Variants in AVEN observed in about 807,000 individuals in gnomAD.
AVEN encodes apoptosis and caspase activation inhibitor.
AVEN carries 41 observed loss-of-function variants against 38.1 expected under a neutral mutation model. The ratio of observed to expected loss-of-function variants is 1.08; its 90% CI spans 0.84 to 1.40. The LOEUF is 1.40. Ranked by LOEUF, AVEN falls within the 40% of genes most tolerant of loss-of-function variation. AVEN has a pLI of 0.00. For missense variants in AVEN, 605 were observed against 438.8 expected, an observed-to-expected ratio of 1.38 and a Z score of -3.38; for synonymous variants, 206 against 171.8, an observed-to-expected ratio of 1.20 and a Z score of -1.56.
upstream of AVEN, among the ~76,000 whole-genome samples, chr15:34,039,810 A>G (rs1274193014): frequency 3.9e-5 from 6 of 152,232 alleles, no homozygotes; most frequent in African/African-American, 7.2e-5. Flanking sequence ...CTTATTCTGC[A>G]GTGAGGTAAC....
chr15:33,881,791 C>T (rs1891495555), intron 2 of AVEN, among the ~76,000 whole-genome samples: 1 of 152,200 alleles, frequency 6.6e-6, no homozygotes, highest in Admixed American at 6.5e-5. Flanking sequence ...GTATTCACAG[C>T]ACATTCCATT....
chr15:33,903,593 C>T (rs972985899), intron 2 of AVEN, among the ~76,000 whole-genome samples: 2 of 152,190 alleles, frequency 1.3e-5, no homozygotes, highest in East Asian at 3.8e-4. Context: ...CTACAAGTTT[C>T]CTCAAAGCAC....
chr15:34,040,288 C>G (rs376608609), upstream of AVEN, among the ~76,000 whole-genome samples: 4 of 152,094 alleles, frequency 2.6e-5, no homozygotes, highest in Non-Finnish European at 5.9e-5. Context: ...GATTCAAGAT[C>G]AAGGTCCAAA....
intron 1 of AVEN, among the ~76,000 whole-genome samples, chr15:34,009,475 T>A (rs4041437): frequency 3.9e-5 from 6 of 152,296 alleles, no homozygotes; most frequent in African/African-American, 9.6e-5. Context: ...TAGATTTTTT[T>A]AAAAAATCAA....
intron 11 of AVEN, among the ~76,000 whole-genome samples, chr15:33,860,420 CAAT>C (rs1887755655): frequency 6.6e-6 from 1 of 151,914 alleles, no homozygotes; most frequent in Admixed American, 6.6e-5. Context: ...TTAGGAGGAA[CAAT>C]GAGAAATTGT....
chr15:33,908,975 C>T (rs1222411056), intron 2 of AVEN, among the ~76,000 whole-genome samples: 2 of 152,140 alleles, frequency 1.3e-5, no homozygotes, highest in African/African-American at 4.8e-5. Flanking sequence ...AATTCTGAAG[C>T]TGCTTCAGAG....
At chr15:33,953,039 T>C (rs1056292715) in intron 2 of AVEN, among the ~76,000 whole-genome samples, 4 of 152,056 alleles carry the variant, frequency 2.6e-5, no homozygotes, top group Non-Finnish European at 4.4e-5. Context: ...CATTCACAAA[T>C]GCTACAAAGA....
intron 2 of AVEN, among the ~76,000 whole-genome samples, chr15:33,895,300 G>C (rs1892188647): frequency 1.3e-5 from 2 of 149,902 alleles, no homozygotes; most frequent in South Asian, 4.2e-4. Flanking sequence ...GAACAACTCA[G>C]ACACTGTTTT....
In AVEN at chr15:33,861,064, G is replaced by A. The variant is rs1433102024; in HGVS notation, n.2730-1970C>T. ...ATGCCAACAAATGCCTTTTCTGCCT[G>A]TTATTTTTCTTAGACTAAATGTTTC... On this transcript the variant is annotated intron_variant and non_coding_transcript_variant, in intron 11 of 11. Transcript: ENST00000675287. 7.7e-6 allele frequency: 12 copies of A among 1,559,584 alleles called. No homozygotes were observed. In the Admixed American group the frequency reaches 9.4e-5, roughly 12 times the overall value.
At chr15:33,939,356 A>C (rs908144440) in intron 2 of AVEN, among the ~76,000 whole-genome samples, 22 of 152,388 alleles carry the variant, frequency 1.4e-4, no homozygotes, top group African/African-American at 5.0e-4. Flanking sequence ...AGGAGACAGG[A>C]GCATAGGCTA....
At chr15:33,982,058 G>C (rs1896174940) in intron 2 of AVEN, among the ~76,000 whole-genome samples, 1 of 151,048 alleles carries the variant, frequency 6.6e-6, no homozygotes, top group Non-Finnish European at 1.5e-5. Context: ...GTAGAGACAA[G>C]ATTTCACCAC....
chr15:33,985,923 G>A (rs764501120), intron 2 of AVEN, among the ~76,000 whole-genome samples: 1 of 152,090 alleles, frequency 6.6e-6, no homozygotes, highest in Non-Finnish European at 1.5e-5. Flanking sequence ...ATTCTCTCAA[G>A]GGCAGAATGC....
intron 2 of AVEN, among the ~76,000 whole-genome samples, chr15:33,961,438 G>A (rs903188403): frequency 2.0e-5 from 3 of 152,106 alleles, no homozygotes; most frequent in African/African-American, 4.8e-5. Flanking sequence ...CTGTTCTAAC[G>A]TATCGACTTT....
At chr15:33,949,959 C>T (rs1894672034) in intron 2 of AVEN, among the ~76,000 whole-genome samples, 1 of 152,014 alleles carries the variant, frequency 6.6e-6, no homozygotes, top group Non-Finnish European at 1.5e-5. Flanking sequence ...ACAGAATCAA[C>T]CTAAGTGTCT....
At chr15:33,872,706 G>T (rs1458530291) in intron 3 of AVEN, among the ~76,000 whole-genome samples, 1 of 152,150 alleles carries the variant, frequency 6.6e-6, no homozygotes, top group Non-Finnish European at 1.5e-5. Context: ...CATGTCAACA[G>T]AAATTTAATG....
intron 4 of AVEN, chr15:34,064,057 T>G: frequency 6.2e-7 from 1 of 1,614,158 alleles, no homozygotes. Context: ...CTGAGTGCCA[T>G]TCTCCTGGCC....
chr15:33,999,718 GGATT>G (rs1423100064), intron 2 of AVEN, among the ~76,000 whole-genome samples: 1 of 152,090 alleles, frequency 6.6e-6, no homozygotes, highest in African/African-American at 2.4e-5. Flanking sequence ...CTGCTTACCT[GGATT>G]ATTATTAGTG....
downstream of AVEN, among the ~76,000 whole-genome samples, chr15:33,863,826 T>G (rs1387424718): frequency 6.6e-6 from 1 of 152,196 alleles, no homozygotes; most frequent in Non-Finnish European, 1.5e-5. Flanking sequence ...GGCTACCATT[T>G]TATTGTTTTA....
intron 2 of AVEN, among the ~76,000 whole-genome samples, chr15:33,909,091 T>G (rs145312472): frequency 0.012 from 1,892 of 152,324 alleles, 26 homozygotes; most frequent in East Asian, 0.027. Context: ...CAAGTACAAG[T>G]TGGTTTTTGT....
Sources: allele counts gnomAD v4.1 joint callset (sites outside exome capture counted in the v4.1 genomes callset), GRCh38; gene constraint gnomAD v4.1.1; transcripts MANE v1.5; gene names NCBI Gene and HGNC (gene_info 2026-07-23, HGNC 2026-07-21).